MICAL3: variants seen among roughly 807,000 people sequenced by gnomAD.
The protein encoded by MICAL3 is [F-actin]-monooxygenase MICAL3.
A neutral mutation model predicts 207.4 loss-of-function variants in MICAL3; 62 were observed. The observed-to-expected ratio is 0.30, with a 90% confidence interval of 0.24 to 0.37. The LOEUF is 0.37. Ranked by LOEUF, MICAL3 falls within the 10% of genes least tolerant of loss-of-function variation. The pLI, the probability that MICAL3 is intolerant of heterozygous loss-of-function variation, is 1.00. For missense variants in MICAL3, 2,368 were observed against 2,635.6 expected (o/e 0.90, Z 2.22); for synonymous variants, 1,077 against 1,069.3 (o/e 1.01, Z -0.14).
chr22:17,874,752 A>G (rs1928099716), intron 16 of MICAL3, among the ~76,000 whole-genome samples: 1 of 152,196 alleles, frequency 6.6e-6, no homozygotes, highest in Non-Finnish European at 1.5e-5. Context: ...ATAGGCCTCA[A>G]CCCAGGCATG....
At chr22:17,862,823 C>A (rs1484784047) in intron 19 of MICAL3, 3 of 985,382 alleles carry the variant, frequency 3.0e-6, no homozygotes, top group South Asian at 4.7e-5. Context: ...AGCCCCTCAG[C>A]CCTGAGCTCA....
intron 29 of MICAL3, among the ~76,000 whole-genome samples, chr22:17,804,697 GACAC>G (rs1359860493): frequency 2.0e-5 from 3 of 152,156 alleles, no homozygotes; most frequent in Non-Finnish European, 2.9e-5. Context: ...GAATCATAAA[GACAC>G]ACAGAGCACA....
At chr22:17,986,053 C>A (rs1276082185) in intron 1 of MICAL3, among the ~76,000 whole-genome samples, 1 of 152,128 alleles carries the variant, frequency 6.6e-6, no homozygotes, top group Admixed American at 6.5e-5. Flanking sequence ...ATTACAGGCA[C>A]CCGCCACCAT....
intron 1 of MICAL3, among the ~76,000 whole-genome samples, chr22:18,018,040 G>A (rs992934835): frequency 5.9e-5 from 9 of 151,618 alleles, no homozygotes; most frequent in Non-Finnish European, 1.3e-4. Flanking sequence ...ATGCCACCGC[G>A]CCCGGCCGTA....
chr22:17,849,643 AATGTGTGTGTGTGTGTGTGTGTGTGTGT>A (rs1925036973), intron 19 of MICAL3, among the ~76,000 whole-genome samples: 1 of 120,234 alleles, frequency 8.3e-6, no homozygotes, highest in East Asian at 2.7e-4. Flanking sequence ...CCCAGAATGG[AATGTGTGTGTGTGTGTGTGTGTGTGTGT>A]GTGTGTGTGT....
At chr22:17,791,387 G>A in intron 29 of MICAL3, 86 bp from the exon 30 acceptor site, 2 of 1,179,656 alleles carry the variant, frequency 1.7e-6, no homozygotes, top group East Asian at 2.5e-5. Context: ...TGTGCAAAGA[G>A]GGCCGAGCAA....
chr22:17,897,078 T>C, intron 7 of MICAL3, 97 bp from the exon 8 acceptor site: 1 of 1,385,188 alleles, frequency 7.2e-7, no homozygotes, highest in Non-Finnish European at 9.7e-7. Flanking sequence ...TTCTTCCCCC[T>C]AAAGTGACTC....
At chr22:17,901,373 C>T (rs1931303346) in intron 5 of MICAL3, among the ~76,000 whole-genome samples, 1 of 152,082 alleles carries the variant, frequency 6.6e-6, no homozygotes, top group African/African-American at 2.4e-5. Flanking sequence ...GCAAGAGTGC[C>T]CTGTAAGCAG....
intron 1 of MICAL3, among the ~76,000 whole-genome samples, chr22:17,919,225 T>C (rs952597227): frequency 2.6e-5 from 4 of 152,052 alleles, no homozygotes; most frequent in Non-Finnish European, 4.4e-5. Flanking sequence ...CCACCAAGCA[T>C]AGCTAATTGT....
Position 17,914,631 on chromosome 22 carries a change from T to C in MICAL3, c.-74-7745A>G, listed in dbSNP as rs141085025. Among the ~76,000 whole-genome samples, 222 of 152,120 alleles carry C rather than the reference T, an allele frequency of 1.5e-3. 1 individual carries two copies. The highest frequency in any genetic ancestry group is 2.7e-3 in the Non-Finnish European group (182 of 67,988). On this transcript the variant is annotated intron_variant, in intron 1 of 31. Transcript: ENST00000441493. ...TGCCCAGCTAGCAATGGATATGCAGTTTCAAGTAAATTTAGCAAGGACACA... is the reference window on the plus strand; with the variant it reads ...TGCCCAGCTAGCAATGGATATGCAGCTTCAAGTAAATTTAGCAAGGACACA...
chr22:17,918,770 T>C (rs1932700667), intron 1 of MICAL3, among the ~76,000 whole-genome samples: 1 of 152,148 alleles, frequency 6.6e-6, no homozygotes, highest in Non-Finnish European at 1.5e-5. Context: ...AGCCTCCGCA[T>C]CTGCAGCTCC....
In MICAL3 at chr22:17,801,401, C is replaced by T. The variant is rs2145968659; in HGVS notation, c.5650+7443G>A. Among the ~76,000 whole-genome samples, 2 of 140,112 alleles carry T rather than the reference C, an allele frequency of 1.4e-5. 1 individual carries two copies. Among genetic ancestry groups the T allele is most frequent in the South Asian group, 4.6e-4 (2 of 4,304 alleles). The allele number at this position is 140,112 out of a possible 152,430, so 91.9% of individuals were successfully genotyped here. On this transcript the variant is annotated intron_variant, in intron 29 of 31. Transcript: ENST00000441493. The stretch of plus-strand genomic sequence containing the variant: ...ATCTCCTGACCTCGTGATCCGCCCG[C>T]CTCGGCCTCCCAAAGTGCTGGGATT...
intron 1 of MICAL3, among the ~76,000 whole-genome samples, chr22:18,021,319 T>C (rs987361146): frequency 1.3e-5 from 2 of 152,220 alleles, no homozygotes; most frequent in Non-Finnish European, 2.9e-5. Flanking sequence ...GGATCAGCCT[T>C]GAGGTGACCT....
chr22:17,856,520 G>GC (rs1460922459), intron 19 of MICAL3, among the ~76,000 whole-genome samples: 7 of 151,370 alleles, frequency 4.6e-5, no homozygotes, highest in Non-Finnish European at 1.0e-4. Flanking sequence ...CAACGCCAAT[G>GC]CCCCAAGAAG....
At position 17,953,345 on chromosome 22, in the gene MICAL3, G is replaced by A. The variant is rs1013549070; in HGVS notation, c.-74-46459C>T. On this transcript the variant is annotated intron_variant, in intron 1 of 31. Transcript: ENST00000441493. ...GCTCCCAGCTAATGGATGATCGCAC[G>A]CCCTTTACTCCTTCCCACCTCTGAA... Among the ~76,000 whole-genome samples, 4 of 152,120 alleles carry A rather than the reference G, an allele frequency of 2.6e-5. No homozygotes were observed. The South Asian group carries it at 6.2e-4, about 24-fold the overall frequency.
At chr22:17,834,451 C>T in intron 20 of MICAL3, 1 of 1,284,722 alleles carries the variant, frequency 7.8e-7, no homozygotes, top group South Asian at 1.2e-5. Flanking sequence ...CCCAGTAGCT[C>T]ACATCTGTGA....
intron 7 of MICAL3, among the ~76,000 whole-genome samples, chr22:17,897,936 G>C (rs1253580837): frequency 2.0e-5 from 3 of 152,108 alleles, no homozygotes; most frequent in African/African-American, 7.2e-5. Context: ...CTGAAAGTGG[G>C]GCCTACGGTT....
intron 19 of MICAL3, among the ~76,000 whole-genome samples, chr22:17,851,471 T>C (rs1925331995): frequency 6.6e-6 from 1 of 152,230 alleles, no homozygotes; most frequent in Non-Finnish European, 1.5e-5. Flanking sequence ...ATCATCTTTG[T>C]GTTCCTGAAG....
At chr22:17,863,373 A>G (rs573824015) in intron 19 of MICAL3, 6 of 985,306 alleles carry the variant, frequency 6.1e-6, no homozygotes, top group South Asian at 4.7e-5. Flanking sequence ...GCTCTCTCCA[A>G]CTGAATGTAC....
Sources: gnomAD v4.1 joint callset for allele counts (sites outside exome capture counted in the v4.1 genomes callset) on GRCh38, gnomAD v4.1.1 for gene constraint, MANE v1.5 for transcripts, NCBI Gene and HGNC (gene_info 2026-07-23, HGNC 2026-07-21) for gene names.